PTPRM: variants seen among roughly 807,000 people sequenced by gnomAD.
PTPRM encodes the protein receptor-type tyrosine-protein phosphatase mu.
A neutral mutation model predicts 186.7 loss-of-function variants in PTPRM; 47 were observed. That is an observed-to-expected ratio of 0.25 (90% CI 0.20 to 0.32). The LOEUF (loss-of-function observed/expected upper bound fraction) is 0.32. Among genes scored for constraint, PTPRM ranks in the 10% least tolerant of loss-of-function variants. The probability of loss-of-function intolerance (pLI) is 1.00; values close to 1 mark genes in which losing one functional copy is unlikely to be tolerated. For synonymous variants in PTPRM, 668 were observed against 674.9 expected (o/e 0.99, Z 0.16); for missense variants, 1,494 against 1,865.0 (o/e 0.80, Z 3.66).
At chr18:8,061,438 G>C (rs551263081) in intron 7 of PTPRM, among the ~76,000 whole-genome samples, 60 of 131,330 alleles carry the variant, frequency 4.6e-4, no homozygotes, top group African/African-American at 1.8e-3. Context: ...CTTTTAATTG[G>C]AGAATTTAGT....
intron 1 of PTPRM, among the ~76,000 whole-genome samples, chr18:7,757,765 G>A (rs1024432289): frequency 2.6e-5 from 4 of 152,160 alleles, no homozygotes. Context: ...GGGATGGTAG[G>A]TGAGAAGTGT....
chr18:8,218,881 T>C (rs1217783332), intron 14 of PTPRM, among the ~76,000 whole-genome samples: 4 of 152,012 alleles, frequency 2.6e-5, no homozygotes, highest in Non-Finnish European at 5.9e-5. Context: ...GGGAAAAGAG[T>C]AGTAACTCTT....
chr18:8,160,158 T>A (rs2093202454), intron 14 of PTPRM, among the ~76,000 whole-genome samples: 1 of 152,224 alleles, frequency 6.6e-6, no homozygotes, highest in South Asian at 2.1e-4. Context: ...AATCGTGTAT[T>A]CCATTGCATT....
rs569709971 is a variant in PTPRM, at chr18:7,918,842, G to A, written c.548-7726G>A. ...CTGTTTTTGTTTTGGTTGCTCTTGA[G>A]GTCTTACACAAAAATTCTTTGCCCA... On this transcript the variant is annotated intron_variant, in intron 4 of 32. Transcript: ENST00000580170. 3.3e-5 allele frequency among the ~76,000 whole-genome samples: 5 copies of A among 152,090 alleles called. No individual in the cohort carries two copies. The South Asian group carries it at 1.0e-3, about 32-fold the overall frequency.
At chr18:7,948,816 C>T (rs1327146501) in intron 5 of PTPRM, among the ~76,000 whole-genome samples, 5 of 152,110 alleles carry the variant, frequency 3.3e-5, no homozygotes, top group Non-Finnish European at 5.9e-5. Flanking sequence ...ACTTTTATTT[C>T]CTAGTCAAGC....
At chr18:7,643,228 T>C (rs1033560481) in intron 1 of PTPRM, among the ~76,000 whole-genome samples, 7 of 152,282 alleles carry the variant, frequency 4.6e-5, no homozygotes, top group African/African-American at 1.7e-4. Context: ...CCTAGTATAA[T>C]GCTTTATAAA....
At chr18:7,828,656 G>C (rs531413638) in intron 2 of PTPRM, among the ~76,000 whole-genome samples, 1 of 152,258 alleles carries the variant, frequency 6.6e-6, no homozygotes, top group East Asian at 1.9e-4. Flanking sequence ...CTGTGTGAAA[G>C]GATTCCGTGT....
chr18:7,918,993 T>C (rs1393209442), intron 4 of PTPRM, among the ~76,000 whole-genome samples: 1 of 152,188 alleles, frequency 6.6e-6, no homozygotes, highest in African/African-American at 2.4e-5. Flanking sequence ...AGGAGGCTAG[T>C]TTCCTTTTTC....
chr18:8,342,501 AC>A (rs1403620840), intron 22 of PTPRM, among the ~76,000 whole-genome samples: 1 of 152,224 alleles, frequency 6.6e-6, no homozygotes, highest in Non-Finnish European at 1.5e-5. Flanking sequence ...ATGTCAAGAT[AC>A]CTAGTACAAT....
intron 26 of PTPRM, 98 bp downstream of exon 26, chr18:8,376,695 A>G (rs1220541086): frequency 2.9e-6 from 4 of 1,388,958 alleles, no homozygotes; most frequent in Admixed American, 2.3e-5. Context: ...CCAGGCAATT[A>G]TCTGTTCAAG....
At chr18:7,963,745 C>G (rs1302050617) in intron 7 of PTPRM, among the ~76,000 whole-genome samples, 1 of 152,214 alleles carries the variant, frequency 6.6e-6, no homozygotes, top group Non-Finnish European at 1.5e-5. Context: ...TTTTGTCTGT[C>G]TATCTGTGAG....
chr18:7,679,037 C>A (rs2039416878), intron 1 of PTPRM, among the ~76,000 whole-genome samples: 1 of 152,152 alleles, frequency 6.6e-6, no homozygotes, highest in South Asian at 2.1e-4. Context: ...ACATCTTGCC[C>A]AGCAGTGGAT....
chr18:8,363,569 A>G (rs753666769), intron 23 of PTPRM, among the ~76,000 whole-genome samples: 12 of 152,328 alleles, frequency 7.9e-5, no homozygotes, highest in Admixed American at 2.0e-4. Flanking sequence ...AGTAATCTGT[A>G]GAGTAGTATG....
chr18:7,575,182 A>C (rs1214280659), intron 1 of PTPRM, among the ~76,000 whole-genome samples: 1 of 152,244 alleles, frequency 6.6e-6, no homozygotes, highest in Non-Finnish European at 1.5e-5. Context: ...AATAAAAATA[A>C]TCATGATGTC....
At chr18:7,898,316 A>G (rs749410463) in intron 3 of PTPRM, among the ~76,000 whole-genome samples, 2 of 152,184 alleles carry the variant, frequency 1.3e-5, no homozygotes, top group African/African-American at 4.8e-5. Flanking sequence ...CTGACTAATG[A>G]CTTCCACCAG....
intron 7 of PTPRM, among the ~76,000 whole-genome samples, chr18:7,974,439 A>G (rs1257670245): frequency 6.6e-6 from 1 of 152,228 alleles, no homozygotes; most frequent in Non-Finnish European, 1.5e-5. Context: ...CTGAAAGTCA[A>G]CATAAATATT....
intron 20 of PTPRM, among the ~76,000 whole-genome samples, chr18:8,314,128 A>G (rs951150551): frequency 6.6e-6 from 1 of 152,190 alleles, no homozygotes; most frequent in Admixed American, 6.5e-5. Context: ...TGAGCCCTCT[A>G]TAGTACTTAT....
intron 19 of PTPRM, among the ~76,000 whole-genome samples, chr18:8,261,557 T>A (rs2094631826): frequency 6.6e-6 from 1 of 152,126 alleles, no homozygotes; most frequent in African/African-American, 2.4e-5. Flanking sequence ...TTTGGTTTAT[T>A]TTTTTTTCTG....
intron 7 of PTPRM, among the ~76,000 whole-genome samples, chr18:8,001,189 A>AG (rs896851556): frequency 5.3e-5 from 8 of 152,124 alleles, no homozygotes; most frequent in African/African-American, 1.7e-4. Context: ...AGCATTGGCG[A>AG]GGGGTCTGAA....
Sources: allele counts gnomAD v4.1 joint callset (sites outside exome capture counted in the v4.1 genomes callset), GRCh38; gene constraint gnomAD v4.1.1; transcripts MANE v1.5; gene names NCBI Gene and HGNC (gene_info 2026-07-23, HGNC 2026-07-21).